OR9G4: variants seen among roughly 807,000 people sequenced by gnomAD.
OR9G4 encodes olfactory receptor 9G4.
Under a neutral mutation model 16.7 loss-of-function variants are expected in OR9G4, and 19 were observed. The observed-to-expected ratio is 1.14, with a 90% confidence interval of 0.79 to 1.67. The LOEUF is 1.67. OR9G4 is among the 40% of genes most tolerant of loss of function. OR9G4 has a pLI of 0.00. For synonymous variants in OR9G4, 182 were observed against 146.2 expected (o/e 1.24, Z -1.76); for missense variants, 428 against 370.4 (o/e 1.16, Z -1.28).
Position 56,742,746 on chromosome 11 carries a change from G to C in OR9G4, c.*82C>G. 8.2e-7 allele frequency: 1 copy of C among 1,225,014 alleles called. No homozygotes were observed. Among genetic ancestry groups the C allele is most frequent in the Non-Finnish European group, 1.2e-6 (1 of 866,832 alleles). The allele number at this position is 1,225,014 out of a possible 1,614,324, so 75.9% of individuals were successfully genotyped here. A position where few individuals can be genotyped will look rare whatever the true frequency, so the allele number is the denominator to read the frequency against. On this transcript the variant is annotated 3_prime_UTR_variant, in exon 2 of 2. Coordinates refer to ENST00000641668, the MANE Select transcript of OR9G4 (RefSeq NM_001005284.2). The stretch of plus-strand genomic sequence containing the variant: ...TAAATATGACTTATTGAACTTAATT[G>C]AACTACAGAAATGCAAATGAACACA...
rs11228761 is a variant in OR9G4, at chr11:56,742,744, T to C, written c.*84A>G. 3,801 of 1,210,290 alleles carry C rather than the reference T, an allele frequency of 3.1e-3. 101 individuals carry two copies. In the African/African-American group the frequency reaches 0.051, roughly 16 times the overall value. The allele number at this position is 1,210,290 out of a possible 1,614,324, so 75.0% of individuals were successfully genotyped here. On this transcript the variant is annotated 3_prime_UTR_variant, in exon 2 of 2. Coordinates refer to ENST00000641668, the MANE Select transcript of OR9G4 (RefSeq NM_001005284.2). ...TTTAAATATGACTTATTGAACTTAA[T>C]TGAACTACAGAAATGCAAATGAACA...
Position 56,742,696 on chromosome 11 carries a change from T to C in OR9G4, c.*132A>G, listed in dbSNP as rs1858319923. 1.4e-6 allele frequency: 1 copy of C among 730,510 alleles called. No individual in the cohort carries two copies. Among genetic ancestry groups the C allele is most frequent in the Non-Finnish European group, 2.3e-6 (1 of 440,430 alleles). The allele number at this position is 730,510 out of a possible 1,614,324, so 45.3% of individuals were successfully genotyped here. Reference sequence around the variant, plus strand: ...ATCATAACAAACGAATAACAAGGAGTCATGTGGTCAATATTTTAATGTTTT... The same window carrying C: ...ATCATAACAAACGAATAACAAGGAGCCATGTGGTCAATATTTTAATGTTTT... On this transcript the variant is annotated 3_prime_UTR_variant, in exon 2 of 2. Transcript: ENST00000641668.
At chr11:56,745,776 CAAA>C (rs199528748) in intron 1 of OR9G4, among the ~76,000 whole-genome samples, 1 of 136,398 alleles carries the variant, frequency 7.3e-6, no homozygotes, top group Non-Finnish European at 1.6e-5. Context: ...TGTCTCAAAA[CAAA>C]AAAAAAAAAA....
chr11:56,745,307 G>C (rs1858389599), intron 1 of OR9G4, among the ~76,000 whole-genome samples: 2 of 152,150 alleles, frequency 1.3e-5, no homozygotes, highest in African/African-American at 2.4e-5. Flanking sequence ...TGGCAAAGGA[G>C]TTATAGGGTT....
In OR9G4 at chr11:56,743,351, G is replaced by T; in HGVS notation, c.416C>A (p.Ala139Asp). The change falls in exon 2 of 2, where the codon GCC (alanine) becomes GAC (aspartate). Residue 139 changes from alanine to aspartate, a missense_variant. Transcript: ENST00000641668. ...PLLYSGTMST[A>D]LCTGLVAGSY... Reference sequence around the variant, plus strand: ...GCCAGCAACAAGCCCAGTACAGAGGGCGGTGGACATGGTACCTGAATAAAG... The same window carrying T: ...GCCAGCAACAAGCCCAGTACAGAGGTCGGTGGACATGGTACCTGAATAAAG... The T allele has an allele frequency of 1.9e-6, 3 of 1,614,208 alleles. No individual in the cohort carries two copies. Among genetic ancestry groups the T allele is most frequent in the Non-Finnish European group, 2.5e-6 (3 of 1,180,042 alleles).
At chr11:56,746,750 A>T (rs1858422968) in intron 1 of OR9G4, among the ~76,000 whole-genome samples, 1 of 152,166 alleles carries the variant, frequency 6.6e-6, no homozygotes, top group Admixed American at 6.5e-5. Flanking sequence ...ATTTGGAATC[A>T]GTCTACCCTG....
rs59062115 is a variant in OR9G4, at chr11:56,741,251, GA to G, written c.*1576del. The G allele has an allele frequency of 0.31, 107,670 of 345,274 alleles. 19,064 individuals carry two copies. The highest frequency in any genetic ancestry group is 0.6 in the East Asian group (7,400 of 12,402). 21.4% of individuals were successfully genotyped at this position (345,274 alleles called of 1,614,324 possible). A position where few individuals can be genotyped will look rare whatever the true frequency, so the allele number is the denominator to read the frequency against. ...TCTTTGTGTTTCGTTTGTTTGTTATGATTTTGAGATCAGACTATAATATATA... is the reference window on the plus strand; with the variant it reads ...TCTTTGTGTTTCGTTTGTTTGTTATGTTTTGAGATCAGACTATAATATATA... On this transcript the variant is annotated 3_prime_UTR_variant, in exon 2 of 2. Transcript: ENST00000641668.
Position 56,743,673 on chromosome 11 carries a change from G to A in OR9G4, c.94C>T (p.Leu32=), listed in dbSNP as rs1287259188. Residue 32 remains leucine (L), a synonymous_variant, in exon 2 of 2, where the codon CTG becomes TTG. Transcript: ENST00000641668. ...GACAAGGTTATCAAATAGAGCATCA[G>A]AAACACTCCAAATAGAATCGGCTGC... The part of the protein sequence containing the change: ...QWQPILFGVF[L]MLYLITLSGN... 3 of 1,614,138 alleles carry A rather than the reference G, an allele frequency of 1.9e-6. No individual in the cohort carries two copies. Among genetic ancestry groups the A allele is most frequent in the Non-Finnish European group, 2.5e-6 (3 of 1,180,022 alleles).
intron 1 of OR9G4, among the ~76,000 whole-genome samples, chr11:56,748,165 C>T (rs754816106): frequency 9.9e-5 from 15 of 152,188 alleles, no homozygotes; most frequent in Admixed American, 6.5e-4. Context: ...CAGAAAATGT[C>T]TGAGCCAATC....
In OR9G4 at chr11:56,742,056, G is replaced by A. The variant is rs1858308643; in HGVS notation, c.*772C>T. On this transcript the variant is annotated 3_prime_UTR_variant, in exon 2 of 2. Coordinates refer to ENST00000641668, the MANE Select transcript of OR9G4 (RefSeq NM_001005284.2). ...ACATGCAGCTTATGTCTTTTGGTCA[G>A]GACAAAGGAAAGAGAAAGGTAACTA... The A allele has an allele frequency of 6.6e-6, 1 of 152,330 alleles. No individual in the cohort carries two copies. The highest frequency in any genetic ancestry group is 2.1e-4 in the South Asian group (1 of 4,828). 9.4% of individuals were successfully genotyped at this position (152,330 alleles called of 1,614,324 possible). A position where few individuals can be genotyped will look rare whatever the true frequency, so the allele number is the denominator to read the frequency against.
intron 1 of OR9G4, among the ~76,000 whole-genome samples, chr11:56,745,486 G>C (rs1858392859): frequency 1.3e-5 from 2 of 152,192 alleles, no homozygotes; most frequent in South Asian, 4.1e-4. Flanking sequence ...ATCTCTTATA[G>C]AAATTGTTAC....
chr11:56,747,828 C>T (rs1338777557), intron 1 of OR9G4, among the ~76,000 whole-genome samples: 1 of 152,126 alleles, frequency 6.6e-6, no homozygotes, highest in Non-Finnish European at 1.5e-5. Context: ...ACACCCACCA[C>T]CATGCCTGGC....
Position 56,743,724 on chromosome 11 carries a change from A to G in OR9G4, c.43T>C (p.Leu15=), listed in dbSNP as rs550044407. 2 of 1,614,120 alleles carry G rather than the reference A, an allele frequency of 1.2e-6. No homozygotes were observed. The highest frequency in any genetic ancestry group is 2.2e-5 in the East Asian group (1 of 44,882). Residue 15 remains leucine, a synonymous_variant, in exon 2 of 2, where the codon TTG becomes CTG. Transcript: ENST00000641668. The part of the protein sequence containing the change: ...NCTILTEFIL[L]GFSADSQWQP... ...CACTGGGAATCTGCTGAGAAACCCA[A>G]CAAGATGAATTCAGTCAGGATGGTG...
Position 56,743,725 on chromosome 11 carries a change from CA to C in OR9G4, c.41del (p.Leu14CysfsTer19). 1 of 1,614,086 alleles carries C rather than the reference CA, an allele frequency of 6.2e-7. No homozygotes were observed. Among genetic ancestry groups the C allele is most frequent in the Non-Finnish European group, 8.5e-7 (1 of 1,179,968 alleles). The stretch of plus-strand genomic sequence containing the variant: ...ACTGGGAATCTGCTGAGAAACCCAA[CA>C]AGATGAATTCAGTCAGGATGGTGCA... ...GNCTILTEFI[L>X]LGFSADSQWQ... is the part of the protein sequence containing the mutation. On this transcript the variant is annotated frameshift_variant, in exon 2 of 2. Coordinates refer to ENST00000641668, the MANE Select transcript of OR9G4 (RefSeq NM_001005284.2). LOFTEE classifies it high-confidence loss of function.
intron 1 of OR9G4, among the ~76,000 whole-genome samples, chr11:56,747,693 G>A (rs1248255493): frequency 4.2e-5 from 6 of 141,818 alleles, no homozygotes; most frequent in Admixed American, 4.2e-4. Flanking sequence ...TTTTTTCTTT[G>A]AGACGGAGTC....
rs774508141 is a variant in OR9G4 at position 56,743,133 on chromosome 11, G to C, written c.634C>G (p.Leu212Val). ...TTGACATAGGAAATCAGGATAGCAAGAATGCTGGAGAGTACTGTGAAGCCC... is the reference window on the plus strand; with the variant it reads ...TTGACATAGGAAATCAGGATAGCAACAATGCTGGAGAGTACTGTGAAGCCC... ...VVGFTVLSSI[L>V]AILISYVNIL... Residue 212 changes from leucine (L) to valine (V), a missense_variant, in exon 2 of 2, where the codon CTT becomes GTT. Coordinates refer to ENST00000641668, the MANE Select transcript of OR9G4 (RefSeq NM_001005284.2). 51 of 1,613,954 alleles carry C rather than the reference G, an allele frequency of 3.2e-5. No individual in the cohort carries two copies. Among genetic ancestry groups the C allele is most frequent in the Non-Finnish European group, 2.5e-5 (30 of 1,179,958 alleles).
At chr11:56,747,272 T>C (rs2135063197) in intron 1 of OR9G4, among the ~76,000 whole-genome samples, 1 of 152,066 alleles carries the variant, frequency 6.6e-6, no homozygotes, top group South Asian at 2.1e-4. Flanking sequence ...AACACTATAC[T>C]CCAGATGTTT....
At chr11:56,745,869 A>G (rs1032500570) in intron 1 of OR9G4, among the ~76,000 whole-genome samples, 1 of 152,162 alleles carries the variant, frequency 6.6e-6, no homozygotes, top group African/African-American at 2.4e-5. Flanking sequence ...CAGTCCTTAC[A>G]TACACACGTA....
chr11:56,743,987 T>G (rs1858362612), intron 1 of OR9G4, 199 bp from the exon 2 acceptor site: 2 of 599,566 alleles, frequency 3.3e-6, no homozygotes, highest in Non-Finnish European at 2.9e-6. Context: ...GGAATTTTAT[T>G]TATTAACTAT....
Sources: gnomAD v4.1 joint callset for allele counts (sites outside exome capture counted in the v4.1 genomes callset) on GRCh38, gnomAD v4.1.1 for gene constraint, MANE v1.5 for transcripts, NCBI Gene and HGNC (gene_info 2026-07-23, HGNC 2026-07-21) for gene names.